VIPAS39: variants seen among roughly 807,000 people sequenced by gnomAD.
VIPAS39 encodes VPS33B interacting protein, apical-basolateral polarity regulator, spe-39 homolog.
A neutral mutation model predicts 84.7 loss-of-function variants in VIPAS39; 63 were observed. The ratio of observed to expected loss-of-function variants is 0.74; its 90% CI spans 0.61 to 0.92. The LOEUF (loss-of-function observed/expected upper bound fraction) is 0.92, where lower values mean the gene tolerates loss of function less well. VIPAS39 is among the 40% of genes least tolerant of loss of function. The probability of loss-of-function intolerance (pLI) is 0.00; values close to 1 mark genes in which losing one functional copy is unlikely to be tolerated. For synonymous variants in VIPAS39, 192 were observed against 216.5 expected (o/e 0.89, Z 0.99); for missense variants, 499 against 604.5 (o/e 0.83, Z 1.83).
At chr14:77,434,218 T>A in intron 15 of VIPAS39, 44 bp downstream of exon 15, 1 of 1,579,236 alleles carries the variant, frequency 6.3e-7, no homozygotes, top group East Asian at 2.2e-5. Flanking sequence ...TCCATGTAGT[T>A]ACCCTGATCA....
chr14:77,427,474 T>A lies in VIPAS39; in HGVS notation c.*142A>T. ...TGGACAGAAGATCAGTCTGAAGTTA[T>A]CTGTGTCAAGAGTAGCTGGCACTGC... is the stretch of plus-strand genomic sequence containing the variant. On this transcript the variant is annotated 3_prime_UTR_variant, in exon 20 of 20. Transcript: ENST00000557658. 1.1e-6 allele frequency: 1 copy of A among 935,474 alleles called. No homozygotes were observed. Among genetic ancestry groups the A allele is most frequent in the Non-Finnish European group, 1.7e-6 (1 of 582,720 alleles). 57.9% of individuals were successfully genotyped at this position (935,474 alleles called of 1,614,324 possible).
intron 11 of VIPAS39, among the ~76,000 whole-genome samples, chr14:77,439,400 A>C (rs1405744247): frequency 1.3e-5 from 2 of 152,222 alleles, no homozygotes; most frequent in African/African-American, 4.8e-5. Context: ...TCAAATGATT[A>C]CTACAGGCTG....
intron 13 of VIPAS39, 150 bp from the exon 14 acceptor site, chr14:77,435,543 C>T (rs977030579): frequency 1.8e-6 from 2 of 1,135,504 alleles, no homozygotes; most frequent in African/African-American, 3.2e-5. Flanking sequence ...CTAGGATATC[C>T]CCAGAGTAGT....
At chr14:77,445,756 T>A (rs1409044282) in intron 7 of VIPAS39, among the ~76,000 whole-genome samples, 1 of 152,076 alleles carries the variant, frequency 6.6e-6, no homozygotes, top group Non-Finnish European at 1.5e-5. Flanking sequence ...CTGGCCAACA[T>A]GGTGAAACCT....
At chr14:77,436,247 C>CAACT (rs1355026435) in intron 12 of VIPAS39, among the ~76,000 whole-genome samples, 1 of 152,180 alleles carries the variant, frequency 6.6e-6, no homozygotes, top group African/African-American at 2.4e-5. Flanking sequence ...TGAGCCTAGG[C>CAACT]AACTGCCCAT....
At chr14:77,444,795 G>T (rs12432582) in intron 7 of VIPAS39, among the ~76,000 whole-genome samples, 12,914 of 151,966 alleles carry the variant, frequency 0.085, 720 homozygotes, top group Non-Finnish European at 0.12. Flanking sequence ...TGTTAGCCAG[G>T]ATGGTCTCGA....
chr14:77,446,534 A>C (rs2078793192), intron 7 of VIPAS39, among the ~76,000 whole-genome samples: 1 of 152,176 alleles, frequency 6.6e-6, no homozygotes, highest in South Asian at 2.1e-4. Context: ...TGATCTGTAC[A>C]TTCAAGGCAA....
At chr14:77,443,266 G>A in intron 8 of VIPAS39, 114 bp from the exon 9 acceptor site, 1 of 1,262,510 alleles carries the variant, frequency 7.9e-7, no homozygotes, top group Non-Finnish European at 1.1e-6. Flanking sequence ...ATAGCCAACA[G>A]CTCTGTATGT....
chr14:77,433,587 G>T (rs114774671), intron 16 of VIPAS39, among the ~76,000 whole-genome samples: 199 of 152,132 alleles, frequency 1.3e-3, no homozygotes, highest in African/African-American at 4.5e-3. Context: ...AAAACACATA[G>T]GTATAGAAAA....
rs1328205368 is a variant in VIPAS39, at chr14:77,445,228, G to C, written c.505-887C>G. ...CCTGCCTCAGCCTCCCAAGGTGCTG[G>C]GATTACAGGCGTGAGCCACCATGCC... On this transcript the variant is annotated intron_variant, in intron 7 of 19. Coordinates refer to ENST00000557658, the MANE Select transcript of VIPAS39 (RefSeq NM_001193315.2). Among the ~76,000 whole-genome samples the C allele has an allele frequency of 2.6e-5, 4 of 152,228 alleles. No individual in the cohort carries two copies. In the East Asian group the frequency reaches 7.7e-4, roughly 29 times the overall value.
intron 11 of VIPAS39, 56 bp downstream of exon 11, chr14:77,441,010 G>A (rs2078694696): frequency 6.2e-7 from 1 of 1,605,388 alleles, no homozygotes; most frequent in South Asian, 1.1e-5. Context: ...GAGCCACTGT[G>A]CCCAGCCTAG....
rs780181249 is a variant in VIPAS39, at chr14:77,454,063, T to G, written c.40A>C (p.Ser14Arg). The G allele has an allele frequency of 6.2e-7, 1 of 1,614,204 alleles. No individual in the cohort carries two copies. Among genetic ancestry groups the G allele is most frequent in the South Asian group, 1.1e-5 (1 of 91,080 alleles). ...TKGDEEEYWN[S>R]SKFKAFTFDD... ...AAGGTAAAAGCCTTGAACTTGGAGC[T>G]GTTCCAATACTCCTCCTCATCACCC... Residue 14 changes from serine (S) to arginine (R), a missense_variant, in exon 2 of 20, where the codon AGC (serine) becomes CGC (arginine). Coordinates refer to ENST00000557658, the MANE Select transcript of VIPAS39 (RefSeq NM_001193315.2).
At chr14:77,441,152 C>T (rs1359932577) in intron 10 of VIPAS39, 59 bp from the exon 11 acceptor site, 2 of 1,602,454 alleles carry the variant, frequency 1.2e-6, no homozygotes, top group Non-Finnish European at 1.7e-6. Flanking sequence ...GCAGTATAAC[C>T]TCACAAAATC....
At chr14:77,428,613 CT>C in intron 18 of VIPAS39, 139 bp from the exon 19 acceptor site, 3 of 739,614 alleles carry the variant, frequency 4.1e-6, no homozygotes, top group Non-Finnish European at 7.2e-6. Flanking sequence ...CTGGTGTGTG[CT>C]ACTGTGTACA....
At chr14:77,450,207 T>C (rs979518656) in intron 4 of VIPAS39, among the ~76,000 whole-genome samples, 1 of 152,236 alleles carries the variant, frequency 6.6e-6, no homozygotes, top group South Asian at 2.1e-4. Context: ...AGGTCATACG[T>C]AAATGGAGTC....
At chr14:77,429,570 G>T in intron 17 of VIPAS39, 111 bp downstream of exon 17, 1 of 1,123,884 alleles carries the variant, frequency 8.9e-7, no homozygotes, top group Non-Finnish European at 1.4e-6. Flanking sequence ...CCATTGTGCT[G>T]CCTTTAAGGG....
At position 77,449,772 on chromosome 14, in the gene VIPAS39, G is replaced by C; in HGVS notation, c.344-20C>G. On this transcript the variant is annotated intron_variant, in intron 4 of 19. Coordinates refer to ENST00000557658, the MANE Select transcript of VIPAS39 (RefSeq NM_001193315.2). ...TTCTACCTAAAGGTAAAGAACACAA[G>C]AGGGAAAAGGTCAACAGTTTCAATC... 1 of 1,614,060 alleles carries C rather than the reference G, an allele frequency of 6.2e-7. No homozygotes were observed. The highest frequency in any genetic ancestry group is 1.1e-5 in the South Asian group (1 of 91,082).
intron 6 of VIPAS39, 43 bp from the exon 7 acceptor site, chr14:77,448,593 C>G: frequency 6.2e-7 from 1 of 1,601,700 alleles, no homozygotes; most frequent in South Asian, 1.1e-5. Context: ...GTTAAGGAAT[C>G]AAATTTATCA....
rs895189603 is a variant in VIPAS39, at chr14:77,457,580, A to G, written c.-86T>C. The G allele has an allele frequency of 2.6e-5, 15 of 587,294 alleles. No homozygotes were observed. Among genetic ancestry groups the G allele is most frequent in the Non-Finnish European group, 3.9e-5 (13 of 332,800 alleles). 36.4% of individuals were successfully genotyped at this position (587,294 alleles called of 1,614,324 possible). ...CCCTTCTATTCAGGCTGTGCAGCTTAGAGAAGGGGGCGGAAGGGAATAATC... is the reference window on the plus strand; with the variant it reads ...CCCTTCTATTCAGGCTGTGCAGCTTGGAGAAGGGGGCGGAAGGGAATAATC... On this transcript the variant is annotated 5_prime_UTR_variant, in exon 1 of 20. Coordinates refer to ENST00000557658, the MANE Select transcript of VIPAS39 (RefSeq NM_001193315.2).
Sources: allele counts gnomAD v4.1 joint callset (sites outside exome capture counted in the v4.1 genomes callset), GRCh38; gene constraint gnomAD v4.1.1; transcripts MANE v1.5; gene names NCBI Gene and HGNC (gene_info 2026-07-23, HGNC 2026-07-21).